Variants in NDEL1 observed in about 807,000 individuals in gnomAD.
The protein encoded by NDEL1 is nudE neurodevelopment protein 1 like 1.
NDEL1 carries 9 observed loss-of-function variants against 45.7 expected under a neutral mutation model. That is an observed-to-expected ratio of 0.20 (90% confidence interval 0.12 to 0.34). NDEL1 has a LOEUF of 0.34. NDEL1 is among the 10% of genes least tolerant of loss of function. The pLI is 1.00. For synonymous variants in NDEL1, 133 were observed against 158.6 expected (o/e 0.84, Z 1.21); for missense variants, 306 against 406.2 (o/e 0.75, Z 2.12).
At chr17:8,470,873 A>T (rs1911817735), downstream of NDEL1, among the ~76,000 whole-genome samples, 1 of 152,172 alleles carries the variant, frequency 6.6e-6, no homozygotes, top group Non-Finnish European at 1.5e-5. The surrounding 1 kb of genome is among the most constrained non-coding windows in gnomAD (Gnocchi z 4.2). Context: ...CCCGCTGCGC[A>T]TGCTGACTCC....
intron 1 of NDEL1, among the ~76,000 whole-genome samples, chr17:8,424,602 C>T (rs1047774380): frequency 1.4e-4 from 22 of 152,184 alleles, no homozygotes; most frequent in East Asian, 3.9e-4. Flanking sequence ...CCCGGGTTCA[C>T]GCCATTCTCC....
downstream of NDEL1, among the ~76,000 whole-genome samples, chr17:8,470,114 G>A (rs1447932385): frequency 6.6e-6 from 1 of 152,050 alleles, no homozygotes; most frequent in African/African-American, 2.4e-5. This position sits in a 1 kb window ranked among gnomAD's most constrained non-coding sequence, Gnocchi z 4.2. Flanking sequence ...GGACTGTGGG[G>A]TGTAAGATGC....
At chr17:8,468,430 A>T (rs1429004871), downstream of NDEL1, among the ~76,000 whole-genome samples, 1 of 152,250 alleles carries the variant, frequency 6.6e-6, no homozygotes, top group Admixed American at 6.5e-5. Flanking sequence ...AAGGACCAGG[A>T]TGTTGAGGGC....
chr17:8,463,214 CTG>C (rs1491577393), intron 8 of NDEL1: 15 of 779,560 alleles, frequency 1.9e-5, no homozygotes, highest in Admixed American at 5.1e-5. Context: ...GTAAGCCACT[CTG>C]AGTTCTTTTG....
downstream of NDEL1, among the ~76,000 whole-genome samples, chr17:8,469,613 C>G (rs1911784323): frequency 6.6e-6 from 1 of 152,084 alleles, no homozygotes; most frequent in Non-Finnish European, 1.5e-5. Flanking sequence ...TTTCTGATCC[C>G]TTTGGGAAGA....
At chr17:8,450,344 T>G (rs898562796) in intron 5 of NDEL1, among the ~76,000 whole-genome samples, 7 of 151,888 alleles carry the variant, frequency 4.6e-5, no homozygotes, top group Non-Finnish European at 1.0e-4. Context: ...TAAACCGTTC[T>G]GAATACTTCT....
At chr17:8,454,193 G>C (rs562348950) in intron 6 of NDEL1, among the ~76,000 whole-genome samples, 4 of 152,114 alleles carry the variant, frequency 2.6e-5, no homozygotes, top group Non-Finnish European at 5.9e-5. Context: ...TGAATGTCAC[G>C]CTGAGAGATA....
In NDEL1 at chr17:8,463,303, C is replaced by T. The variant is rs779387832; in HGVS notation, c.944+3143C>T. 6 of 1,604,956 alleles carry T rather than the reference C, an allele frequency of 3.7e-6. No homozygotes were observed. The South Asian group carries it at 6.6e-5, about 18-fold the overall frequency. ...TATTCGTATTACTGTTTAATATGTT[C>T]TCCTTTCTTTTATTAGGCAAGAAAA... On this transcript the variant is annotated intron_variant, in intron 8 of 8. Coordinates refer to ENST00000334527, the MANE Select transcript of NDEL1 (RefSeq NM_030808.5).
At position 8,459,989 on chromosome 17, in the gene NDEL1, T is replaced by C. The variant is rs773595415; in HGVS notation, c.793-20T>C. Reference sequence around the variant, plus strand: ...AGCTACTGTTTTGACAACCATATCATTCCTCCTTCTTTTTTGTAGGCTTTA... The same window carrying C: ...AGCTACTGTTTTGACAACCATATCACTCCTCCTTCTTTTTTGTAGGCTTTA... On this transcript the variant is annotated intron_variant, in intron 7 of 8. Coordinates refer to ENST00000334527, the MANE Select transcript of NDEL1 (RefSeq NM_030808.5). The C allele has an allele frequency of 3.1e-6, 5 of 1,602,496 alleles. No homozygotes were observed. The East Asian group carries it at 1.1e-4, about 36-fold the overall frequency.
At chr17:8,416,117 C>A (rs1908541661) in intron 1 of NDEL1, among the ~76,000 whole-genome samples, 1 of 152,144 alleles carries the variant, frequency 6.6e-6, no homozygotes, top group South Asian at 2.1e-4. Context: ...TTACTGTCAC[C>A]ACCACCCATC....
intron 8 of NDEL1, chr17:8,463,014 C>A: frequency 3.9e-6 from 1 of 254,556 alleles, no homozygotes; most frequent in Non-Finnish European, 7.5e-6. Context: ...TCTGCCAGTT[C>A]CTGAAACATG....
At chr17:8,417,126 C>CT (rs1908563281) in intron 1 of NDEL1, among the ~76,000 whole-genome samples, 3 of 151,888 alleles carry the variant, frequency 2.0e-5, no homozygotes, top group African/African-American at 4.8e-5. Context: ...TTATTTCTTT[C>CT]TTTTTTTCGA....
intron 6 of NDEL1, 111 bp downstream of exon 6, chr17:8,451,064 G>T (rs1910475811): frequency 1.4e-5 from 13 of 927,902 alleles, no homozygotes; most frequent in Non-Finnish European, 1.8e-5. Flanking sequence ...TTAAAAGTTG[G>T]TGAAGTCTAG....
Position 8,463,432 on chromosome 17 carries a change from G to T in NDEL1, c.944+3272G>T. On this transcript the variant is annotated intron_variant, in intron 8 of 8. Transcript: ENST00000334527. ...GTGGTGGAAGACACATTAACAATCT[G>T]GTTTTACTAACTGCATGGGGCTGAC... 2.1e-6 allele frequency: 3 copies of T among 1,413,182 alleles called. No individual in the cohort carries two copies. In the South Asian group the frequency reaches 3.6e-5, roughly 17 times the overall value. The allele number at this position is 1,413,182 out of a possible 1,614,324, so 87.5% of individuals were successfully genotyped here. A position where few individuals can be genotyped will look rare whatever the true frequency, so the allele number is the denominator to read the frequency against.
chr17:8,431,405 T>C (rs1337769368), upstream of NDEL1: 1 of 152,276 alleles, frequency 6.6e-6, no homozygotes, highest in African/African-American at 2.4e-5. Flanking sequence ...GGGTCTCAGT[T>C]TACAATATGT....
At chr17:8,454,729 A>G in intron 6 of NDEL1, 67 bp from the exon 7 acceptor site, 2 of 1,198,690 alleles carry the variant, frequency 1.7e-6, no homozygotes, top group South Asian at 1.3e-5. Context: ...ACTTTGTAAC[A>G]TCAACAACAA....
chr17:8,455,913 A>T (rs1408580624), intron 7 of NDEL1, among the ~76,000 whole-genome samples: 1 of 152,074 alleles, frequency 6.6e-6, no homozygotes, highest in Admixed American at 6.5e-5. Context: ...CACAAAGGAG[A>T]TCTGCAGTCT....
intron 4 of NDEL1, 138 bp downstream of exon 4, chr17:8,447,040 C>CA: frequency 9.5e-7 from 1 of 1,055,966 alleles, no homozygotes; most frequent in Non-Finnish European, 1.3e-6. Flanking sequence ...ACTCATCGGA[C>CA]GGAAGGGAAC....
chr17:8,463,469 C>A, intron 8 of NDEL1: 1 of 856,820 alleles, frequency 1.2e-6, no homozygotes, highest in Non-Finnish European at 1.9e-6. Flanking sequence ...CAGCTTTAAC[C>A]AACTTACAGC....
Sources: allele counts gnomAD v4.1 joint callset (sites outside exome capture counted in the v4.1 genomes callset), GRCh38; gene constraint gnomAD v4.1.1; non-coding constraint Gnocchi (gnomAD v3.1); transcripts MANE v1.5; gene names NCBI Gene and HGNC (gene_info 2026-07-23, HGNC 2026-07-21).